UBR3: variants seen among roughly 807,000 people sequenced by gnomAD.
The protein encoded by UBR3 is E3 ubiquitin-protein ligase UBR3.
Under a neutral mutation model 243.2 loss-of-function variants are expected in UBR3, and 85 were observed. That is an observed-to-expected ratio of 0.35 (90% CI 0.29 to 0.42). The LOEUF (loss-of-function observed/expected upper bound fraction) is 0.42, where lower values mean the gene tolerates loss of function less well. Among genes scored for constraint, UBR3 ranks in the 10% least tolerant of loss-of-function variants. The pLI is 1.00. For synonymous variants in UBR3, 748 were observed against 799.8 expected, an observed-to-expected ratio of 0.94 and a Z score of 1.09; for missense variants, 1,686 against 2,300.8, an observed-to-expected ratio of 0.73 and a Z score of 5.47.
At chr2:169,951,444 G>C (rs2087023367) in intron 23 of UBR3, among the ~76,000 whole-genome samples, 1 of 152,112 alleles carries the variant, frequency 6.6e-6, no homozygotes, top group Admixed American at 6.6e-5. Flanking sequence ...TCTGGTGTTG[G>C]ACTTCCTGAC....
chr2:169,872,619 T>G (rs376630521), intron 2 of UBR3, among the ~76,000 whole-genome samples: 3 of 152,160 alleles, frequency 2.0e-5, no homozygotes, highest in Non-Finnish European at 4.4e-5. Flanking sequence ...ATCAAACTTA[T>G]TTGAGCTTTT....
At chr2:169,878,640 T>C (rs2083707295) in intron 5 of UBR3, 66 bp downstream of exon 5, 1 of 1,330,352 alleles carries the variant, frequency 7.5e-7, no homozygotes, top group African/African-American at 1.5e-5. Flanking sequence ...TTTTTTATTA[T>C]TTTATACTTC....
intron 18 of UBR3, 106 bp downstream of exon 18, chr2:169,928,974 G>T: frequency 9.8e-7 from 1 of 1,024,090 alleles, no homozygotes; most frequent in Non-Finnish European, 1.3e-6. Flanking sequence ...TCAAGCTTTG[G>T]TTTTCTTTTC....
chr2:169,828,969 G>A (rs2081838439), intron 1 of UBR3, among the ~76,000 whole-genome samples: 1 of 152,224 alleles, frequency 6.6e-6, no homozygotes, highest in South Asian at 2.1e-4. Flanking sequence ...CTTGGAACAT[G>A]ATGTCAATGT....
rs184067768 is a variant in UBR3, at chr2:169,880,213, A to G, written c.1038+1639A>G. ...AGGAACTTTAGACAACTATTGCATG[A>G]TGAAATGGTTTGGTCATTGTTCAGA... On this transcript the variant is annotated intron_variant, in intron 5 of 38. Transcript: ENST00000272793. Among the ~76,000 whole-genome samples, 68 of 152,310 alleles carry G rather than the reference A, an allele frequency of 4.5e-4. 1 individual carries two copies. The highest frequency in any genetic ancestry group is 9.3e-4 in the Non-Finnish European group (63 of 68,010).
intron 1 of UBR3, among the ~76,000 whole-genome samples, 154 bp from the exon 2 acceptor site, chr2:169,872,082 C>G (rs2083456455): frequency 6.6e-6 from 1 of 152,048 alleles, no homozygotes; most frequent in African/African-American, 2.4e-5. Flanking sequence ...TGTATAAACA[C>G]TGGTTTAAAA....
intron 8 of UBR3, among the ~76,000 whole-genome samples, chr2:169,900,185 C>T (rs935201879): frequency 5.3e-5 from 8 of 152,140 alleles, no homozygotes; most frequent in Non-Finnish European, 7.4e-5. Flanking sequence ...TAATGATCGC[C>T]GTTCTGACTG....
intron 25 of UBR3, among the ~76,000 whole-genome samples, chr2:169,991,158 G>A (rs1383675902): frequency 6.6e-6 from 1 of 152,110 alleles, no homozygotes; most frequent in East Asian, 1.9e-4. Flanking sequence ...CATCATGAAG[G>A]TATTATAAAC....
intron 24 of UBR3, among the ~76,000 whole-genome samples, chr2:169,962,981 A>T (rs952160063): frequency 6.6e-6 from 1 of 151,994 alleles, no homozygotes; most frequent in Non-Finnish European, 1.5e-5. Context: ...TCAGATTTGG[A>T]TTAGGGTTGG....
At chr2:170,037,633 C>A (rs1283226128) in intron 31 of UBR3, among the ~76,000 whole-genome samples, 1 of 152,118 alleles carries the variant, frequency 6.6e-6, no homozygotes, top group Non-Finnish European at 1.5e-5. Context: ...GGTGATCCAC[C>A]CACCTTGGCC....
At chr2:169,926,408 C>T (rs569576366) in intron 14 of UBR3, among the ~76,000 whole-genome samples, 1 of 152,130 alleles carries the variant, frequency 6.6e-6, no homozygotes, top group African/African-American at 2.4e-5. Context: ...GCCAACACGT[C>T]GAAACCCTGT....
chr2:169,970,644 G>T lies in UBR3; in HGVS notation c.3634+12118G>T, dbSNP rs566398545. ...CCAATTTCATCCATGTCCCTACAAA[G>T]GACACGAACTCATCATTTTTTATGG... On this transcript the variant is annotated intron_variant, in intron 24 of 38. Coordinates refer to ENST00000272793, the MANE Select transcript of UBR3 (RefSeq NM_172070.4). Among the ~76,000 whole-genome samples, 24 of 120,592 alleles carry T rather than the reference G, an allele frequency of 2.0e-4. 1 individual carries two copies. Among genetic ancestry groups the T allele is most frequent in the African/African-American group, 7.1e-4 (24 of 33,572 alleles). 79.1% of individuals were successfully genotyped at this position (120,592 alleles called of 152,430 possible). A position where few individuals can be genotyped will look rare whatever the true frequency, so the allele number is the denominator to read the frequency against.
intron 36 of UBR3, 66 bp from the exon 37 acceptor site, chr2:170,079,748 A>G: frequency 7.2e-7 from 1 of 1,381,742 alleles, no homozygotes; most frequent in Non-Finnish European, 9.7e-7. Context: ...AAATACATTT[A>G]AAAAATATAT....
intron 1 of UBR3, among the ~76,000 whole-genome samples, chr2:169,851,836 C>CAAAAA (rs139828838): frequency 1.1e-5 from 1 of 90,486 alleles, no homozygotes. Context: ...GGCTCCGTCT[C>CAAAAA]AAAAAAAAAA....
At chr2:169,956,757 T>C (rs2087317384) in intron 23 of UBR3, among the ~76,000 whole-genome samples, 1 of 152,220 alleles carries the variant, frequency 6.6e-6, no homozygotes, top group South Asian at 2.1e-4. Context: ...AGCAAATGTG[T>C]GGATAATTTA....
At chr2:169,920,802 A>G (rs1410658942) in intron 11 of UBR3, among the ~76,000 whole-genome samples, 1 of 152,188 alleles carries the variant, frequency 6.6e-6, no homozygotes, top group Non-Finnish European at 1.5e-5. Flanking sequence ...AAGTATGGCT[A>G]CTATAAACTT....
chr2:169,942,587 T>C lies in UBR3; in HGVS notation c.2758T>C (p.Leu920=), dbSNP rs1332840771. Residue 920 remains leucine (L), a synonymous_variant, in exon 20 of 39, where the codon TTG becomes CTG. Coordinates refer to ENST00000272793, the MANE Select transcript of UBR3 (RefSeq NM_172070.4). ...TAGCTATAAAGGTCTTATGAGACTTTTGCACTGTAAAACTTTACACATTGT... is the reference window on the plus strand; with the variant it reads ...TAGCTATAAAGGTCTTATGAGACTTCTGCACTGTAAAACTTTACACATTGT... ...HPSYKGLMRL[L]HCKTLHIVLF... is the part of the protein sequence containing the mutation. 2 of 1,550,418 alleles carry C rather than the reference T, an allele frequency of 1.3e-6. No individual in the cohort carries two copies. Among genetic ancestry groups the C allele is most frequent in the Non-Finnish European group, 1.7e-6 (2 of 1,146,674 alleles).
chr2:170,029,229 T>C (rs2090607668), intron 30 of UBR3, 117 bp from the exon 31 acceptor site: 4 of 774,122 alleles, frequency 5.2e-6, no homozygotes, highest in South Asian at 4.0e-5. Flanking sequence ...ACTTGGTGAA[T>C]TTTAATTGTC....
chr2:170,082,014 A>C lies in UBR3; in HGVS notation c.*171A>C. 1 of 354,970 alleles carries C rather than the reference A, an allele frequency of 2.8e-6. No individual in the cohort carries two copies. The highest frequency in any genetic ancestry group is 5.1e-6 in the Non-Finnish European group (1 of 196,102). 22.0% of individuals were successfully genotyped at this position (354,970 alleles called of 1,614,324 possible). On this transcript the variant is annotated 3_prime_UTR_variant, in exon 39 of 39. Coordinates refer to ENST00000272793, the MANE Select transcript of UBR3 (RefSeq NM_172070.4). Reference sequence around the variant, plus strand: ...GCTTGGTAATCACGTTAATGGTATAATTTTTTTTTTTTAATATCTGGAGAA... The same window carrying C: ...GCTTGGTAATCACGTTAATGGTATACTTTTTTTTTTTTAATATCTGGAGAA...
Sources: gnomAD v4.1 joint callset for allele counts (sites outside exome capture counted in the v4.1 genomes callset) on GRCh38, gnomAD v4.1.1 for gene constraint, MANE v1.5 for transcripts, NCBI Gene and HGNC (gene_info 2026-07-23, HGNC 2026-07-21) for gene names.